The following AKAP13 variants were observed in gnomAD, a reference collection of about 807,000 sequenced individuals.
AKAP13 encodes the protein A-kinase anchor protein 13.
A neutral mutation model predicts 264.5 loss-of-function variants in AKAP13; 80 were observed. That is an observed-to-expected ratio of 0.30 (90% confidence interval 0.25 to 0.36). The LOEUF (loss-of-function observed/expected upper bound fraction) is 0.36. Among genes scored for constraint, AKAP13 ranks in the 10% least tolerant of loss-of-function variants. The pLI, the probability that AKAP13 is intolerant of heterozygous loss-of-function variation, is 1.00. For synonymous variants in AKAP13, 1,380 were observed against 1,250.2 expected (o/e 1.10, Z -2.19); for missense variants, 3,712 against 3,435.2 (o/e 1.08, Z -2.01).
At chr15:85,726,609 T>G (rs564154627) in intron 27 of AKAP13, 123 bp downstream of exon 27, 2 of 792,516 alleles carry the variant, frequency 2.5e-6, no homozygotes, top group Non-Finnish European at 3.9e-6. Context: ...CAAATTCCTC[T>G]GAGTAATTTC....
At chr15:85,716,003 T>C in intron 20 of AKAP13, 80 bp downstream of exon 20, 1 of 440,202 alleles carries the variant, frequency 2.3e-6, no homozygotes, top group Non-Finnish European at 3.0e-6. Context: ...GACAAAAAGC[T>C]TTTTTTTTTT....
intron 33 of AKAP13, among the ~76,000 whole-genome samples, chr15:85,737,956 C>T (rs757250834): frequency 2.0e-5 from 3 of 151,932 alleles, no homozygotes; most frequent in Non-Finnish European, 2.9e-5. Context: ...TTCTTTATGG[C>T]GACTTTTCCC....
chr15:85,696,447 G>A (rs2085571069), intron 17 of AKAP13, among the ~76,000 whole-genome samples: 1 of 152,140 alleles, frequency 6.6e-6, no homozygotes, highest in Non-Finnish European at 1.5e-5. Context: ...TTATCAATTA[G>A]ACATTAACTC....
intron 4 of AKAP13, among the ~76,000 whole-genome samples, chr15:85,537,454 C>T (rs1180830851): frequency 6.6e-6 from 1 of 152,206 alleles, no homozygotes; most frequent in South Asian, 2.1e-4. Context: ...AATCCTCCTA[C>T]TGTTTTAATT....
chr15:85,442,493 ATATATTATATTATATATAATATATAT>A (rs1405313458), intron 1 of AKAP13, among the ~76,000 whole-genome samples: 14 of 108,596 alleles, frequency 1.3e-4, no homozygotes, highest in African/African-American at 4.1e-4. Flanking sequence ...TATATATAAT[ATATATTATATTATATATAATATATAT>A]TATATTATAT....
At chr15:85,496,017 G>A (rs2075863235) in intron 2 of AKAP13, among the ~76,000 whole-genome samples, 1 of 152,174 alleles carries the variant, frequency 6.6e-6, no homozygotes. Flanking sequence ...AAAAGTTAGG[G>A]TGCTATTATT....
chr15:85,725,528 TTC>T (rs1271289366), intron 26 of AKAP13, among the ~76,000 whole-genome samples: 1 of 152,192 alleles, frequency 6.6e-6, no homozygotes, highest in Non-Finnish European at 1.5e-5. Context: ...ATGTCCTTGC[TTC>T]TGTTTTCTTC....
chr15:85,440,131 G>A (rs2073569700), intron 1 of AKAP13, among the ~76,000 whole-genome samples: 1 of 152,096 alleles, frequency 6.6e-6, no homozygotes, highest in Non-Finnish European at 1.5e-5. Context: ...AATTACTTTA[G>A]CTGAACCAGT....
intron 14 of AKAP13, 46 bp downstream of exon 14, chr15:85,669,876 C>A (rs982605468): frequency 7.2e-7 from 1 of 1,382,914 alleles, no homozygotes; most frequent in East Asian, 2.5e-5. Context: ...TAAATCTTAA[C>A]CACTCTTCCT....
rs1487736614 is a variant in AKAP13, at chr15:85,533,588, T to C, written c.186T>C (p.His62=). The part of the protein sequence containing the change: ...SDTLETIAPG[H]DCCETVKVQL... ...TGCTGCCTGTGTTTCCTTTAGGTCA[T>C]GATTGTTGTGAAACAGTGAAGGTGC... Residue 62 remains histidine (H), a synonymous_variant, in exon 4 of 37, where the codon CAT becomes CAC. Transcript: ENST00000394518. The C allele has an allele frequency of 4.4e-6, 7 of 1,606,504 alleles. No individual in the cohort carries two copies. The East Asian group carries it at 1.3e-4, about 31-fold the overall frequency.
intron 1 of AKAP13, among the ~76,000 whole-genome samples, chr15:85,474,385 A>T (rs1264636020): frequency 4.7e-5 from 7 of 149,008 alleles, no homozygotes; most frequent in African/African-American, 1.8e-4. Context: ...CAGTGTTGAT[A>T]ATTAATTTTC....
intron 9 of AKAP13, among the ~76,000 whole-genome samples, chr15:85,644,946 G>A (rs1368714567): frequency 6.6e-6 from 1 of 152,110 alleles, no homozygotes; most frequent in Non-Finnish European, 1.5e-5. Flanking sequence ...TGGGCAACAT[G>A]CCAAAACCCC....
chr15:85,460,444 C>T (rs1181221551), intron 1 of AKAP13, among the ~76,000 whole-genome samples: 1 of 152,194 alleles, frequency 6.6e-6, no homozygotes, highest in Non-Finnish European at 1.5e-5. Context: ...TCACCCCCAG[C>T]CTGGACAGAA....
In AKAP13 at chr15:85,533,750, C is replaced by T. The variant is rs1457577719; in HGVS notation, c.348C>T (p.Thr116=). ...GAAATCAGCAGGCTTTGAACTTTAC[C>T]CGTTTTCTTGACCAGTCAGGACCCC... ...SAGNQQALNF[T]RFLDQSGPPS... Residue 116 remains threonine (T), a synonymous_variant, in exon 4 of 37, where the codon ACC becomes ACT. Coordinates refer to ENST00000394518, the MANE Select transcript of AKAP13 (RefSeq NM_007200.5). 2 of 1,614,000 alleles carry T rather than the reference C, an allele frequency of 1.2e-6. No homozygotes were observed. Among genetic ancestry groups the T allele is most frequent in the African/African-American group, 1.3e-5 (1 of 74,892 alleles).
intron 2 of AKAP13, among the ~76,000 whole-genome samples, chr15:85,511,218 G>T (rs185254486): frequency 6.6e-6 from 1 of 151,776 alleles, no homozygotes; most frequent in Non-Finnish European, 1.5e-5. Flanking sequence ...TCCTCTTCTC[G>T]GACTGGCCCT....
intron 1 of AKAP13, among the ~76,000 whole-genome samples, chr15:85,397,933 C>G (rs570603010): frequency 6.6e-6 from 1 of 152,174 alleles, no homozygotes; most frequent in Non-Finnish European, 1.5e-5. Context: ...ACTCTACAAA[C>G]CCTTGTCTCA....
intron 1 of AKAP13, among the ~76,000 whole-genome samples, chr15:85,395,438 T>G (rs1383765817): frequency 1.3e-5 from 2 of 152,204 alleles, no homozygotes; most frequent in African/African-American, 2.4e-5. Context: ...AAACTTATCT[T>G]TCTGTTCTGC....
chr15:85,490,938 G>A (rs937667838), intron 2 of AKAP13, among the ~76,000 whole-genome samples: 1 of 152,084 alleles, frequency 6.6e-6, no homozygotes. Flanking sequence ...GCCTTTGAGG[G>A]GCATGTCATT....
chr15:85,440,921 A>G (rs911813290), intron 1 of AKAP13, among the ~76,000 whole-genome samples: 3 of 152,214 alleles, frequency 2.0e-5, no homozygotes, highest in Non-Finnish European at 4.4e-5. Context: ...ATTTCACTGT[A>G]GGGACTGATA....
Sources: allele counts gnomAD v4.1 joint callset (sites outside exome capture counted in the v4.1 genomes callset), GRCh38; gene constraint gnomAD v4.1.1; transcripts MANE v1.5; gene names NCBI Gene and HGNC (gene_info 2026-07-23, HGNC 2026-07-21).